The following CFTR variants were observed in gnomAD, a reference collection of about 807,000 sequenced individuals.
CFTR encodes the protein cystic fibrosis transmembrane conductance regulator.
In CFTR, 181 loss-of-function variants were observed where a neutral mutation model predicts 171.6. The observed-to-expected ratio is 1.05, with a 90% confidence interval of 0.93 to 1.19. CFTR has a LOEUF of 1.19. Ranked by LOEUF, CFTR falls within the 50% of genes most tolerant of loss-of-function variation. The pLI is 0.00. For missense variants in CFTR, 1,968 were observed against 1,734.7 expected (o/e 1.13, Z -2.39); for synonymous variants, 583 against 608.0 (o/e 0.96, Z 0.60).
intron 21 of CFTR, among the ~76,000 whole-genome samples, chr7:117,614,967 G>A (rs1271189728): frequency 6.6e-6 from 1 of 152,038 alleles, no homozygotes; most frequent in Non-Finnish European, 1.5e-5. Context: ...TTTTCTAGGA[G>A]AAATACCTAG....
intron 9 of CFTR, 59 bp from the exon 10 acceptor site, chr7:117,548,582 T>C (rs1584793282): frequency 1.3e-6 from 2 of 1,580,366 alleles, no homozygotes; most frequent in East Asian, 2.3e-5. Flanking sequence ...TGAAAATATC[T>C]GACAAACTCA....
At chr7:117,529,974 A>G (rs1210688384) in intron 3 of CFTR, among the ~76,000 whole-genome samples, 2 of 152,186 alleles carry the variant, frequency 1.3e-5, no homozygotes, top group African/African-American at 4.8e-5. Flanking sequence ...TTTGAAGCCA[A>G]TGTAACAAGA....
chr7:117,494,609 C>T (rs1798209890), intron 1 of CFTR, among the ~76,000 whole-genome samples: 1 of 151,968 alleles, frequency 6.6e-6, no homozygotes, highest in Non-Finnish European at 1.5e-5. Context: ...TGTCAAAGGA[C>T]AGAGAAACCT....
chr7:117,603,720 A>T lies in CFTR; in HGVS notation c.2846A>T (p.His949Leu), dbSNP rs397508444. 29 of 1,613,950 alleles carry T rather than the reference A, an allele frequency of 1.8e-5. No homozygotes were observed. Among genetic ancestry groups the T allele is most frequent in the Non-Finnish European group, 2.5e-5 (29 of 1,179,960 alleles). Reference protein sequence around the residue: ...HTLITVSKILHHKMLHSVLQA... With the variant: ...HTLITVSKILLHKMLHSVLQA... ...CTAATCACAGTGTCGAAAATTTTAC[A>T]CCACAAAATGTTACATTCTGTTCTT... is the stretch of plus-strand genomic sequence containing the variant. Residue 949 changes from histidine (H) to leucine (L), a missense_variant, in exon 17 of 27, where the codon CAC becomes CTC. Coordinates refer to ENST00000003084, the MANE Select transcript of CFTR (RefSeq NM_000492.4).
At chr7:117,606,818 G>T in intron 18 of CFTR, 65 bp downstream of exon 18, 2 of 950,556 alleles carry the variant, frequency 2.1e-6, no homozygotes, top group Non-Finnish European at 3.5e-6. Flanking sequence ...AAAAGCAAAT[G>T]TGATTTTGTT....
intron 11 of CFTR, among the ~76,000 whole-genome samples, chr7:117,583,169 T>C (rs1321843168): frequency 1.3e-5 from 2 of 152,192 alleles, no homozygotes; most frequent in East Asian, 3.8e-4. Context: ...ATATTTTCTT[T>C]TTCTTTTTTA....
At chr7:117,613,997 A>ATGTTTTTT (rs1468130932) in intron 20 of CFTR, among the ~76,000 whole-genome samples, 18 of 132,030 alleles carry the variant, frequency 1.4e-4, no homozygotes, top group African/African-American at 5.1e-4. Context: ...AGGTACAGTA[A>ATGTTTTTT]TCTTTTTTTT....
At chr7:117,543,795 G>A (rs1397631409) in intron 9 of CFTR, among the ~76,000 whole-genome samples, 3 of 152,136 alleles carry the variant, frequency 2.0e-5, no homozygotes, top group Admixed American at 6.6e-5. Context: ...TACTTATGAT[G>A]GTGATGCTTG....
intron 22 of CFTR, among the ~76,000 whole-genome samples, 179 bp from the exon 23 acceptor site, chr7:117,642,259 T>C (rs1005792322): frequency 6.6e-6 from 1 of 152,220 alleles, no homozygotes; most frequent in African/African-American, 2.4e-5. Flanking sequence ...TTTGTCTCCA[T>C]ATATCAACAT....
intron 21 of CFTR, among the ~76,000 whole-genome samples, chr7:117,616,581 T>A (rs1264498726): frequency 1.3e-5 from 2 of 152,174 alleles, no homozygotes. Context: ...TTGGTGCATT[T>A]CTACTCTGCG....
At chr7:117,489,409 G>A (rs2116616017) in intron 1 of CFTR, among the ~76,000 whole-genome samples, 1 of 152,150 alleles carries the variant, frequency 6.6e-6, no homozygotes, top group East Asian at 1.9e-4. Context: ...TTTTTGGAAA[G>A]GCTATTGTTA....
At chr7:117,557,325 A>G (rs1799377240) in intron 10 of CFTR, among the ~76,000 whole-genome samples, 1 of 152,154 alleles carries the variant, frequency 6.6e-6, no homozygotes, top group Non-Finnish European at 1.5e-5. Flanking sequence ...CAATATTTGT[A>G]CTTGCTCTCT....
At chr7:117,607,314 G>C (rs1467146552) in intron 18 of CFTR, among the ~76,000 whole-genome samples, 2 of 152,204 alleles carry the variant, frequency 1.3e-5, no homozygotes, top group African/African-American at 4.8e-5. Context: ...CTGAGTGATA[G>C]ATGTGAATAG....
chr7:117,544,306 G>T (rs1050639416), intron 9 of CFTR, among the ~76,000 whole-genome samples: 1 of 152,106 alleles, frequency 6.6e-6, no homozygotes, highest in Non-Finnish European at 1.5e-5. Flanking sequence ...CCTTATATGG[G>T]TCTATAATCC....
At chr7:117,617,720 A>G (rs578191972) in intron 21 of CFTR, among the ~76,000 whole-genome samples, 2 of 152,190 alleles carry the variant, frequency 1.3e-5, no homozygotes, top group East Asian at 1.9e-4. Flanking sequence ...AGCAAGTAAT[A>G]TGCAATACCT....
At chr7:117,524,000 T>A (rs1469786923) in intron 3 of CFTR, among the ~76,000 whole-genome samples, 1 of 152,240 alleles carries the variant, frequency 6.6e-6, no homozygotes, top group Non-Finnish European at 1.5e-5. Flanking sequence ...AGTTACTTTT[T>A]AAAATATTTG....
At chr7:117,531,563 T>C (rs1273344732) in intron 4 of CFTR, among the ~76,000 whole-genome samples, 1 of 152,186 alleles carries the variant, frequency 6.6e-6, no homozygotes, top group Non-Finnish European at 1.5e-5. Context: ...AGTAGTAGTA[T>C]CCACCGCCTT....
intron 9 of CFTR, among the ~76,000 whole-genome samples, chr7:117,545,367 T>C (rs1033051897): frequency 6.6e-6 from 1 of 152,202 alleles, no homozygotes; most frequent in Non-Finnish European, 1.5e-5. Flanking sequence ...AGCCTCCTTC[T>C]GGCTTTTTAT....
At chr7:117,544,206 C>G (rs1031414357) in intron 9 of CFTR, among the ~76,000 whole-genome samples, 1 of 152,056 alleles carries the variant, frequency 6.6e-6, no homozygotes. Context: ...CTTACTTTAT[C>G]AGTTTTGGAG....
Sources: allele counts gnomAD v4.1 joint callset (sites outside exome capture counted in the v4.1 genomes callset), GRCh38; gene constraint gnomAD v4.1.1; transcripts MANE v1.5; gene names NCBI Gene and HGNC (gene_info 2026-07-23, HGNC 2026-07-21).